The following CADPS2 variants were observed in gnomAD, a reference collection of about 807,000 sequenced individuals.
CADPS2 encodes calcium-dependent secretion activator 2.
In CADPS2, 93 loss-of-function variants were observed where a neutral mutation model predicts 172.5. That is an observed-to-expected ratio of 0.54 (90% CI 0.46 to 0.64). CADPS2 has a LOEUF of 0.64. Among genes scored for constraint, CADPS2 ranks in the 30% least tolerant of loss-of-function variants. CADPS2 has a pLI of 0.00. For missense variants in CADPS2, 1,420 were observed against 1,565.9 expected, an observed-to-expected ratio of 0.91 and a Z score of 1.57; for synonymous variants, 546 against 555.2, an observed-to-expected ratio of 0.98 and a Z score of 0.23.
At chr7:122,506,897 C>T (rs1200854565) in intron 9 of CADPS2, among the ~76,000 whole-genome samples, 4 of 152,156 alleles carry the variant, frequency 2.6e-5, no homozygotes, top group South Asian at 4.2e-4. Context: ...AAAGAAAAGT[C>T]AGTCTTTTCA....
At chr7:122,772,811 G>C (rs1351862844) in intron 1 of CADPS2, among the ~76,000 whole-genome samples, 1 of 152,082 alleles carries the variant, frequency 6.6e-6, no homozygotes, top group African/African-American at 2.4e-5. Context: ...AACAGACTAT[G>C]CCTAGATAAG....
intron 2 of CADPS2, among the ~76,000 whole-genome samples, chr7:122,716,834 A>G (rs1321120489): frequency 6.6e-6 from 1 of 152,060 alleles, no homozygotes; most frequent in Non-Finnish European, 1.5e-5. Flanking sequence ...GGGGTGGGGA[A>G]TGGAGGGAGG....
At chr7:122,778,759 G>A (rs1030851977) in intron 1 of CADPS2, among the ~76,000 whole-genome samples, 1 of 152,202 alleles carries the variant, frequency 6.6e-6, no homozygotes, top group Non-Finnish European at 1.5e-5. Flanking sequence ...TTGAGGTTTG[G>A]GACTTTTGAA....
At chr7:122,641,215 A>C (rs2077607181) in intron 3 of CADPS2, among the ~76,000 whole-genome samples, 1 of 152,232 alleles carries the variant, frequency 6.6e-6, no homozygotes, top group African/African-American at 2.4e-5. Flanking sequence ...ATCCTTGATC[A>C]TAACAGATAC....
At chr7:122,653,204 T>A (rs969208235) in intron 3 of CADPS2, among the ~76,000 whole-genome samples, 33 of 152,154 alleles carry the variant, frequency 2.2e-4, no homozygotes, top group Non-Finnish European at 7.4e-5. Flanking sequence ...TTCTGACTCT[T>A]AAGCAAGCAA....
At chr7:122,594,667 G>C (rs575655227) in intron 6 of CADPS2, among the ~76,000 whole-genome samples, 1 of 152,054 alleles carries the variant, frequency 6.6e-6, no homozygotes, top group Non-Finnish European at 1.5e-5. Flanking sequence ...AATAACAGAA[G>C]AGATAATCTC....
chr7:122,360,783 CTTACT>C lies in CADPS2; in HGVS notation c.3504_3504+4del. 1.3e-6 allele frequency: 2 copies of C among 1,550,898 alleles called. No homozygotes were observed. Among genetic ancestry groups the C allele is most frequent in the Non-Finnish European group, 1.7e-6 (2 of 1,148,496 alleles). Reference sequence around the variant, plus strand: ...AGTTTTAAAAAGCAGATAAAAAATACTTACTGGAACATCAACATATTTTGCAGCTG... The same window carrying C: ...AGTTTTAAAAAGCAGATAAAAAATACGGAACATCAACATATTTTGCAGCTG... On this transcript the variant is annotated splice_donor_variant and splice_donor_region_variant and coding_sequence_variant and intron_variant, in exon 27 of 30. Coordinates refer to ENST00000449022, the MANE Select transcript of CADPS2 (RefSeq NM_017954.11). LOFTEE classifies it high-confidence loss of function.
At chr7:122,570,583 T>A (rs36057959) in intron 7 of CADPS2, among the ~76,000 whole-genome samples, 1 of 146,088 alleles carries the variant, frequency 6.8e-6, no homozygotes, top group African/African-American at 2.6e-5. Context: ...CACATGCACA[T>A]GTATGTTTAT....
At chr7:122,716,331 A>G (rs1349557408) in intron 2 of CADPS2, among the ~76,000 whole-genome samples, 1 of 152,078 alleles carries the variant, frequency 6.6e-6, no homozygotes, top group Non-Finnish European at 1.5e-5. Context: ...ATCTAAAACA[A>G]TGGTCCACAC....
chr7:122,842,679 C>G (rs1302521988), intron 1 of CADPS2, among the ~76,000 whole-genome samples: 1 of 151,610 alleles, frequency 6.6e-6, no homozygotes, highest in Non-Finnish European at 1.5e-5. Context: ...AGCATGTGAA[C>G]AATATATGGG....
intron 17 of CADPS2, among the ~76,000 whole-genome samples, chr7:122,419,207 T>TA (rs1412852498): frequency 1.3e-5 from 2 of 152,302 alleles, no homozygotes; most frequent in African/African-American, 2.4e-5. Flanking sequence ...AAAAGAATGT[T>TA]AAAAAATTCA....
At chr7:122,825,268 A>G (rs1804548568) in intron 1 of CADPS2, among the ~76,000 whole-genome samples, 1 of 152,208 alleles carries the variant, frequency 6.6e-6, no homozygotes. Flanking sequence ...TTTGTAAAAT[A>G]GAAAATAACC....
At chr7:122,571,967 C>T (rs1325996533) in intron 7 of CADPS2, among the ~76,000 whole-genome samples, 1 of 152,072 alleles carries the variant, frequency 6.6e-6, no homozygotes, top group Non-Finnish European at 1.5e-5. Flanking sequence ...TTAATAATCA[C>T]TTTAGGCCTT....
intron 9 of CADPS2, among the ~76,000 whole-genome samples, chr7:122,508,244 C>T (rs2059752454): frequency 6.6e-6 from 1 of 151,728 alleles, no homozygotes; most frequent in South Asian, 2.1e-4. Flanking sequence ...TTCATTTCTA[C>T]AAGAATACTC....
In CADPS2 at chr7:122,778,679, C is replaced by T. The variant is rs13239280; in HGVS notation, c.340-41611G>A. On this transcript the variant is annotated intron_variant, in intron 1 of 29. Transcript: ENST00000449022. Reference sequence around the variant, plus strand: ...AGGTATAGCTTGGGTTGTGGCCTCACGGGGTGCAAGCCCCAAGCCTTGGCA... The same window carrying T: ...AGGTATAGCTTGGGTTGTGGCCTCATGGGGTGCAAGCCCCAAGCCTTGGCA... Among the ~76,000 whole-genome samples the T allele has an allele frequency of 5.3e-5, 8 of 152,136 alleles. 1 individual carries two copies. The highest frequency in any genetic ancestry group is 3.4e-3 in the Middle Eastern group (1 of 292).
At chr7:122,676,596 C>T in intron 2 of CADPS2, 1 of 1,077,140 alleles carries the variant, frequency 9.3e-7, no homozygotes, top group East Asian at 2.5e-5. Flanking sequence ...CACAGCATGA[C>T]TACAGAGAGA....
At chr7:122,809,351 T>C (rs970528369) in intron 1 of CADPS2, among the ~76,000 whole-genome samples, 3 of 149,502 alleles carry the variant, frequency 2.0e-5, no homozygotes, top group Non-Finnish European at 4.4e-5. Context: ...GGGTGGATCA[T>C]GAGATCAAGA....
At chr7:122,513,161 C>T in intron 9 of CADPS2, 88 bp downstream of exon 9, 1 of 837,226 alleles carries the variant, frequency 1.2e-6, no homozygotes, top group East Asian at 2.7e-5. Context: ...ATTTCTAAAA[C>T]AGTAAATTTT....
chr7:122,393,646 G>C, intron 20 of CADPS2, 64 bp from the exon 21 acceptor site: 1 of 1,580,600 alleles, frequency 6.3e-7, no homozygotes, highest in South Asian at 1.1e-5. Context: ...GGAAAATATG[G>C]GCCAAAAAAA....
Sources: allele counts gnomAD v4.1 joint callset (sites outside exome capture counted in the v4.1 genomes callset), GRCh38; gene constraint gnomAD v4.1.1; transcripts MANE v1.5; gene names NCBI Gene and HGNC (gene_info 2026-07-23, HGNC 2026-07-21).